TCF12: variants seen among roughly 807,000 people sequenced by gnomAD.
TCF12 encodes DNA-binding protein HTF4.
A neutral mutation model predicts 86.0 loss-of-function variants in TCF12; 45 were observed. The observed-to-expected ratio is 0.52, with a 90% CI of 0.41 to 0.67. The LOEUF (loss-of-function observed/expected upper bound fraction) is 0.67, where lower values mean the gene tolerates loss of function less well. Among genes scored for constraint, TCF12 ranks in the 30% least tolerant of loss-of-function variants. The pLI is 0.00. For missense variants in TCF12, 881 were observed against 859.9 expected (o/e 1.02, Z -0.31); for synonymous variants, 330 against 299.6 (o/e 1.10, Z -1.05).
chr15:56,934,403 G>C (rs1284384459), intron 3 of TCF12, among the ~76,000 whole-genome samples: 3 of 152,178 alleles, frequency 2.0e-5, no homozygotes, highest in African/African-American at 7.2e-5. Context: ...GATACAAAGA[G>C]GAGGTTATGA....
chr15:57,126,611 C>T (rs1403439337), intron 5 of TCF12, among the ~76,000 whole-genome samples: 1 of 152,172 alleles, frequency 6.6e-6, no homozygotes, highest in Non-Finnish European at 1.5e-5. Context: ...CAGTCTTTGG[C>T]TCCTTAGTTA....
chr15:57,284,793 T>C (rs1364176700), intron 20 of TCF12, among the ~76,000 whole-genome samples: 1 of 152,258 alleles, frequency 6.6e-6, no homozygotes, highest in Non-Finnish European at 1.5e-5. Flanking sequence ...TGTCTTCTTA[T>C]TCTCATCTCG....
At position 57,117,332 on chromosome 15, in the gene TCF12, C is replaced by A. The variant is rs866409547; in HGVS notation, c.325+25441C>A. ...ACAGGCATGAGCCACTGCACCTGGC[C>A]TTCTTAGCATCTTTAAAACCCAATA... On this transcript the variant is annotated intron_variant, in intron 5 of 20. Coordinates refer to ENST00000333725, the MANE Select transcript of TCF12 (RefSeq NM_207037.2). 2.6e-4 allele frequency among the ~76,000 whole-genome samples: 39 copies of A among 152,196 alleles called. 1 individual carries two copies. Among genetic ancestry groups the A allele is most frequent in the Admixed American group, 9.8e-4 (15 of 15,284 alleles).
chr15:57,126,956 C>A (rs1331474317), intron 5 of TCF12, among the ~76,000 whole-genome samples: 2 of 151,104 alleles, frequency 1.3e-5, no homozygotes, highest in Middle Eastern at 3.4e-3. Context: ...TTCTTTCTTA[C>A]TCTTCACTTG....
intron 5 of TCF12, among the ~76,000 whole-genome samples, chr15:57,097,215 A>G (rs765218399): frequency 3.9e-5 from 6 of 152,318 alleles, no homozygotes; most frequent in Non-Finnish European, 7.4e-5. Flanking sequence ...TTTTCAGACT[A>G]TCAAAGGGTA....
intron 3 of TCF12, among the ~76,000 whole-genome samples, chr15:57,035,185 C>A (rs1158375775): frequency 6.6e-6 from 1 of 152,100 alleles, no homozygotes; most frequent in African/African-American, 2.4e-5. Context: ...GTAATTTGTA[C>A]AAAGTTACAC....
chr15:56,953,401 A>G (rs1396173773), intron 3 of TCF12, among the ~76,000 whole-genome samples: 3 of 152,012 alleles, frequency 2.0e-5, no homozygotes, highest in Non-Finnish European at 2.9e-5. Context: ...TGCTTTAACA[A>G]ATTTTTCTAG....
At chr15:57,214,658 G>T (rs2058259705) in intron 8 of TCF12, among the ~76,000 whole-genome samples, 2 of 152,154 alleles carry the variant, frequency 1.3e-5, no homozygotes, top group East Asian at 1.9e-4. Flanking sequence ...TCTTTACATT[G>T]TGTTGAGAAG....
chr15:57,200,843 G>T (rs1236718105), intron 8 of TCF12, among the ~76,000 whole-genome samples: 1 of 152,162 alleles, frequency 6.6e-6, no homozygotes, highest in South Asian at 2.1e-4. Flanking sequence ...TAACTAAGCT[G>T]TATTAAATAT....
chr15:57,177,953 C>T (rs1343651600), intron 6 of TCF12, among the ~76,000 whole-genome samples: 1 of 152,086 alleles, frequency 6.6e-6, no homozygotes, highest in South Asian at 2.1e-4. Context: ...TTTCTGTTCT[C>T]TCCATGAAAA....
At chr15:57,061,461 G>A (rs1396613897) in intron 3 of TCF12, among the ~76,000 whole-genome samples, 1 of 152,080 alleles carries the variant, frequency 6.6e-6, no homozygotes, top group Admixed American at 6.5e-5. Context: ...ATGATTAGCT[G>A]AGCATTGTGG....
chr15:56,971,333 T>C (rs1401394160), intron 3 of TCF12, among the ~76,000 whole-genome samples: 1 of 151,438 alleles, frequency 6.6e-6, no homozygotes, highest in East Asian at 1.9e-4. Context: ...GAGGCTGAGA[T>C]AGAGAATCGC....
intron 4 of TCF12, among the ~76,000 whole-genome samples, chr15:57,086,678 T>C (rs1032174422): frequency 6.8e-6 from 1 of 146,358 alleles, no homozygotes; most frequent in Non-Finnish European, 1.5e-5. Flanking sequence ...AAGTAATCTT[T>C]ATTCAAAGAG....
chr15:56,943,344 A>G (rs1424484429), intron 3 of TCF12, among the ~76,000 whole-genome samples: 1 of 152,236 alleles, frequency 6.6e-6, no homozygotes, highest in Non-Finnish European at 1.5e-5. Context: ...GCTAAAAAAA[A>G]GAAGAGCATT....
At chr15:56,986,195 T>C (rs1407772120) in intron 3 of TCF12, among the ~76,000 whole-genome samples, 1 of 152,140 alleles carries the variant, frequency 6.6e-6, no homozygotes, top group Non-Finnish European at 1.5e-5. Context: ...CAGCAGTCTG[T>C]GTTGGTTACA....
At chr15:57,279,661 G>A (rs1029403236) in intron 19 of TCF12, among the ~76,000 whole-genome samples, 2 of 152,008 alleles carry the variant, frequency 1.3e-5, no homozygotes, top group Admixed American at 1.3e-4. Flanking sequence ...TGAGTTTTTG[G>A]TGCTGATCCT....
chr15:57,021,254 G>T (rs1390339012), intron 3 of TCF12, among the ~76,000 whole-genome samples: 1 of 152,190 alleles, frequency 6.6e-6, no homozygotes, highest in African/African-American at 2.4e-5. Flanking sequence ...GCAGAACGTT[G>T]ATCGTGTTTC....
chr15:57,079,543 T>C (rs944133391), intron 4 of TCF12, among the ~76,000 whole-genome samples: 1 of 152,198 alleles, frequency 6.6e-6, no homozygotes, highest in East Asian at 1.9e-4. Context: ...ATTAGATCAA[T>C]TGACGTAAGA....
At chr15:57,238,333 C>T (rs973101400) in intron 12 of TCF12, among the ~76,000 whole-genome samples, 1 of 152,178 alleles carries the variant, frequency 6.6e-6, no homozygotes, top group Admixed American at 6.5e-5. Flanking sequence ...AAGGAGCTTT[C>T]ACCAGTTGTT....
Sources: gnomAD v4.1 joint callset for allele counts (sites outside exome capture counted in the v4.1 genomes callset) on GRCh38, gnomAD v4.1.1 for gene constraint, MANE v1.5 for transcripts, NCBI Gene and HGNC (gene_info 2026-07-23, HGNC 2026-07-21) for gene names.